TRPM1: variants seen among roughly 807,000 people sequenced by gnomAD.
TRPM1 encodes the protein TRPM1-203 APA Isoform, Intron 10.
TRPM1 carries 113 observed loss-of-function variants against 149.4 expected under a neutral mutation model. The observed-to-expected ratio is 0.76, with a 90% CI of 0.65 to 0.88. TRPM1 has a LOEUF of 0.88. Ranked by LOEUF, TRPM1 falls within the 40% of genes least tolerant of loss-of-function variation. The pLI is 0.00. For missense variants in TRPM1, 1,976 were observed against 2,038.7 expected (o/e 0.97, Z 0.59); for synonymous variants, 741 against 759.5 (o/e 0.98, Z 0.40).
chr15:31,009,754 T>C (rs929960501), intron 27 of TRPM1, among the ~76,000 whole-genome samples: 9 of 152,192 alleles, frequency 5.9e-5, no homozygotes, highest in Non-Finnish European at 8.8e-5. Context: ...CTTGTTCAAA[T>C]TGAGTAATTT....
intron 1 of TRPM1, among the ~76,000 whole-genome samples, chr15:31,152,649 C>T (rs1004195952): frequency 3.3e-5 from 5 of 152,110 alleles, no homozygotes; most frequent in Admixed American, 2.0e-4. Flanking sequence ...AAAACAGAGA[C>T]TACGTGTGTG....
chr15:31,049,400 G>A lies in TRPM1; in HGVS notation c.1547C>T (p.Pro516Leu), dbSNP rs1025997168. 17 of 1,614,002 alleles carry A rather than the reference G, an allele frequency of 1.1e-5. No homozygotes were observed. Among genetic ancestry groups the A allele is most frequent in the Admixed American group, 5.0e-5 (3 of 59,998 alleles). ...GVNMQHFLTIPRLEELYNTRL... is the reference protein window; with the variant it reads ...GVNMQHFLTILRLEELYNTRL... ...TGTGTTATAAAGCTCCTCCAGCCTC[G>A]GAATGGTCAGAAAGTGTTGCATGTT... Residue 516 changes from proline to leucine, a missense_variant, in exon 13 of 28, where the codon CCG becomes CTG. Transcript: ENST00000256552.
chr15:31,102,166 G>T (rs1425479130), upstream of TRPM1, among the ~76,000 whole-genome samples: 3 of 152,212 alleles, frequency 2.0e-5, no homozygotes, highest in African/African-American at 7.2e-5. Flanking sequence ...TGAGGTCAGG[G>T]TGAACCCAGC....
intron 1 of TRPM1, among the ~76,000 whole-genome samples, chr15:31,091,426 G>A (rs537122181): frequency 6.6e-6 from 1 of 152,340 alleles, no homozygotes; most frequent in East Asian, 1.9e-4. Flanking sequence ...GTCAGTAAGC[G>A]CCTCTCAGAT....
chr15:31,017,630 A>G (rs1056298600), intron 27 of TRPM1, among the ~76,000 whole-genome samples: 9 of 152,262 alleles, frequency 5.9e-5, no homozygotes, highest in Non-Finnish European at 8.8e-5. Flanking sequence ...ATGCTACACA[A>G]GTGTCAAAGG....
At position 31,112,545 on chromosome 15, in the gene TRPM1, T is replaced by C. The variant is rs1002876297; in HGVS notation, c.55-35561A>G. On this transcript the variant is annotated intron_variant, in intron 1 of 26. Coordinates refer to the TRPM1 transcript ENST00000542188. Reference sequence around the variant, plus strand: ...TGGGAAACTTTGCTTAGCAGAGGTTTCTCCATCTCATGGTGCCCAGCTCCT... The same window carrying C: ...TGGGAAACTTTGCTTAGCAGAGGTTCCTCCATCTCATGGTGCCCAGCTCCT... 1.1e-4 allele frequency among the ~76,000 whole-genome samples: 16 copies of C among 152,302 alleles called. No individual in the cohort carries two copies. In the Middle Eastern group the frequency reaches 0.01, roughly 98 times the overall value.
chr15:31,064,334 C>G (rs926429412), intron 7 of TRPM1, among the ~76,000 whole-genome samples: 1 of 152,224 alleles, frequency 6.6e-6, no homozygotes, highest in South Asian at 2.1e-4. Context: ...TTCCCAGAGT[C>G]CTCCCTCTGT....
intron 1 of TRPM1, among the ~76,000 whole-genome samples, chr15:31,106,921 C>T (rs1015561402): frequency 6.6e-6 from 1 of 152,134 alleles, no homozygotes; most frequent in Non-Finnish European, 1.5e-5. Flanking sequence ...TTTCCCACAG[C>T]CTCACCAACA....
rs950306472 is a variant in TRPM1, at chr15:31,046,341, C to T, written c.1765-108G>A. 25 of 1,007,342 alleles carry T rather than the reference C, an allele frequency of 2.5e-5. No individual in the cohort carries two copies. In the East Asian group the frequency reaches 5.7e-4, roughly 23 times the overall value. The allele number at this position is 1,007,342 out of a possible 1,614,324, so 62.4% of individuals were successfully genotyped here. A position where few individuals can be genotyped will look rare whatever the true frequency, so the allele number is the denominator to read the frequency against. The stretch of plus-strand genomic sequence containing the variant: ...GGACATACGAATGGATTAAAAAGCA[C>T]TTTGTATCATTAACAATTAATGATA... On this transcript the variant is annotated intron_variant, in intron 15 of 27. Coordinates refer to ENST00000256552, the MANE Select transcript of TRPM1 (RefSeq NM_001252024.2).
chr15:31,153,320 A>G (rs550198605), intron 1 of TRPM1, among the ~76,000 whole-genome samples: 179 of 152,238 alleles, frequency 1.2e-3, no homozygotes, highest in African/African-American at 2.6e-3. Flanking sequence ...ACTCCTTTCT[A>G]TGGATTTCAG....
At chr15:31,025,040 C>T (rs1595985709) in intron 27 of TRPM1, among the ~76,000 whole-genome samples, 1 of 152,258 alleles carries the variant, frequency 6.6e-6, no homozygotes, top group South Asian at 2.1e-4. Flanking sequence ...TCAACATGCA[C>T]CAGGGAGACC....
Position 31,066,210 on chromosome 15 carries a change from C to G in TRPM1, c.656G>C (p.Ser219Thr). Residue 219 changes from serine to threonine, a missense_variant, in exon 7 of 28, where the codon AGT (serine) becomes ACT (threonine). Around this residue, in one of 3 missense-constraint regions of TRPM1, gnomAD observed 1,332 missense variants for 1,347.1 expected, o/e 0.99. Transcript: ENST00000256552. ...RVYQTMSNPL[S>T]KLSVLNNSHT... ...GGAGTTGTTGAGCACAGAGAGCTTA[C>G]TTAGAGGGTTGGACATGGTCTGGTA... The G allele has an allele frequency of 6.2e-7, 1 of 1,614,166 alleles. No individual in the cohort carries two copies. Among genetic ancestry groups the G allele is most frequent in the Non-Finnish European group, 8.5e-7 (1 of 1,180,038 alleles).
At chr15:31,089,429 G>A (rs573519125) in intron 1 of TRPM1, among the ~76,000 whole-genome samples, 3 of 152,352 alleles carry the variant, frequency 2.0e-5, no homozygotes, top group Non-Finnish European at 4.4e-5. Flanking sequence ...TTGGCTTGAT[G>A]CCTATGACAG....
intron 1 of TRPM1, among the ~76,000 whole-genome samples, chr15:31,146,952 C>T (rs974003818): frequency 1.1e-4 from 16 of 151,514 alleles, no homozygotes; most frequent in Non-Finnish European, 2.2e-4. Flanking sequence ...CATGTTATTG[C>T]ACTCCAGCTG....
intron 1 of TRPM1, among the ~76,000 whole-genome samples, chr15:31,132,979 A>G (rs1421891238): frequency 1.3e-5 from 2 of 152,174 alleles, no homozygotes; most frequent in Non-Finnish European, 2.9e-5. Context: ...TTTTAAAATT[A>G]CCTAGTCTCA....
At position 31,095,068 on chromosome 15, in the gene TRPM1, A is replaced by G. The variant is rs181154268; in HGVS notation, c.-84+6589T>C. ...TGAACGAAGTTCTGAAGCATGCCAC[A>G]TGGGTGAACCTTGGAAACGTGATGC... On this transcript the variant is annotated intron_variant, in intron 1 of 27. Coordinates refer to ENST00000256552, the MANE Select transcript of TRPM1 (RefSeq NM_001252024.2). 9.0e-3 allele frequency among the ~76,000 whole-genome samples: 1,369 copies of G among 152,390 alleles called. 14 individuals carry two copies. The highest frequency in any genetic ancestry group is 0.012 in the Non-Finnish European group (797 of 68,040).
At chr15:31,059,862 C>G (rs186540350) in intron 11 of TRPM1, among the ~76,000 whole-genome samples, 1 of 152,270 alleles carries the variant, frequency 6.6e-6, no homozygotes, top group East Asian at 1.9e-4. Context: ...AAGTAGGAGG[C>G]TTGGAGTCCT....
intron 10 of TRPM1, 147 bp downstream of exon 10, chr15:31,061,295 C>T (rs935998388): frequency 2.6e-6 from 2 of 763,304 alleles, no homozygotes; most frequent in African/African-American, 3.4e-5. Flanking sequence ...TGTCATTCTG[C>T]CGTGGCTTCA....
chr15:31,053,056 C>G (rs1447228940), intron 11 of TRPM1, among the ~76,000 whole-genome samples: 1 of 152,080 alleles, frequency 6.6e-6, no homozygotes, highest in Non-Finnish European at 1.5e-5. Context: ...ATAGAGAACT[C>G]CTAAAATTCA....
Sources: gnomAD v4.1 joint callset for allele counts (sites outside exome capture counted in the v4.1 genomes callset) on GRCh38, gnomAD v4.1.1 for gene constraint, gnomAD v4.1.1 regional missense constraint, MANE v1.5 for transcripts, NCBI Gene and HGNC (gene_info 2026-07-23, HGNC 2026-07-21) for gene names.